Variants in DNAJC11 observed in about 807,000 individuals in gnomAD.
DNAJC11 encodes the protein DnaJ heat shock protein family (Hsp40) member C11, also known as dnaJ homolog subfamily C member 11.
Under a neutral mutation model 78.6 loss-of-function variants are expected in DNAJC11, and 15 were observed. The observed-to-expected ratio is 0.19, with a 90% CI of 0.13 to 0.29. The LOEUF (loss-of-function observed/expected upper bound fraction) is 0.29. DNAJC11 is among the 10% of genes least tolerant of loss of function. DNAJC11 has a pLI of 1.00. For missense variants in DNAJC11, 547 were observed against 709.6 expected, an observed-to-expected ratio of 0.77 and a Z score of 2.60; for synonymous variants, 292 against 272.1, an observed-to-expected ratio of 1.07 and a Z score of -0.72.
At chr1:6,641,406 TACACACAC>T (rs70981395) in intron 10 of DNAJC11, among the ~76,000 whole-genome samples, 2 of 140,136 alleles carry the variant, frequency 1.4e-5, no homozygotes, top group East Asian at 2.0e-4. Context: ...TATATATATA[TACACACAC>T]ACACACACAC....
At chr1:6,685,078 G>C (rs1642630030) in intron 1 of DNAJC11, among the ~76,000 whole-genome samples, 1 of 152,170 alleles carries the variant, frequency 6.6e-6, no homozygotes, top group South Asian at 2.1e-4. Context: ...TTCAAGACCA[G>C]TTTGAGCAAC....
intron 3 of DNAJC11, among the ~76,000 whole-genome samples, chr1:6,670,167 C>T (rs1056964690): frequency 4.0e-5 from 6 of 151,822 alleles, no homozygotes; most frequent in Non-Finnish European, 8.8e-5. Flanking sequence ...ACCATGTTAG[C>T]CAGGATGGTC....
At chr1:6,647,597 A>G (rs1418400438) in intron 7 of DNAJC11, among the ~76,000 whole-genome samples, 1 of 152,024 alleles carries the variant, frequency 6.6e-6, no homozygotes, top group African/African-American at 2.4e-5. Context: ...AGGTGGGTGG[A>G]TCACAAGGTC....
intron 1 of DNAJC11, among the ~76,000 whole-genome samples, chr1:6,690,650 C>T (rs277684): frequency 0.33 from 49,974 of 152,066 alleles, 8,439 homozygotes; most frequent in Non-Finnish European, 0.35. Flanking sequence ...ATTGCCTGGG[C>T]GTGGTGGCTC....
At chr1:6,690,074 A>G (rs1642720943) in intron 1 of DNAJC11, among the ~76,000 whole-genome samples, 1 of 152,194 alleles carries the variant, frequency 6.6e-6, no homozygotes, top group African/African-American at 2.4e-5. Context: ...TTGAAGATGG[A>G]GGAGGAGTTT....
chr1:6,688,009 T>A (rs1252826913), intron 1 of DNAJC11, among the ~76,000 whole-genome samples: 2 of 152,128 alleles, frequency 1.3e-5, no homozygotes, highest in Admixed American at 6.5e-5. Context: ...AAAAAATATA[T>A]CTGATCCATC....
intron 11 of DNAJC11, among the ~76,000 whole-genome samples, chr1:6,639,248 G>A (rs1032940832): frequency 1.3e-5 from 2 of 151,574 alleles, no homozygotes; most frequent in Non-Finnish European, 2.9e-5. Context: ...GATCCAGAAC[G>A]CATTCCTCTT....
chr1:6,669,004 T>G (rs1642334204), intron 3 of DNAJC11, among the ~76,000 whole-genome samples: 1 of 151,274 alleles, frequency 6.6e-6, no homozygotes, highest in Admixed American at 6.6e-5. Flanking sequence ...CTGGCCAACA[T>G]GGCGAAACAC....
At chr1:6,635,856 A>T (rs893139178) in intron 15 of DNAJC11, among the ~76,000 whole-genome samples, 156 bp from the exon 16 acceptor site, 4 of 152,168 alleles carry the variant, frequency 2.6e-5, no homozygotes, top group Admixed American at 2.0e-4. Context: ...TGGAACGTAG[A>T]GGTCTGCTTT....
chr1:6,640,693 G>A (rs931535007), intron 10 of DNAJC11, among the ~76,000 whole-genome samples: 11 of 152,068 alleles, frequency 7.2e-5, no homozygotes, highest in South Asian at 4.1e-4. Context: ...TTAGCCGGGC[G>A]TGGTGGTACC....
At position 6,678,439 on chromosome 1, in the gene DNAJC11, G is replaced by A; in HGVS notation, c.231C>T (p.Ile77=). ...GTCCTCTCTTCCCATATATATCATA[G>A]ATGGCCCTGGTTTGGGGGTCACTAA... ...EVLSDPQTRA[I]YDIYGKRGLE... The change falls in exon 3 of 16, where the codon ATC becomes ATT. Residue 77 remains isoleucine, a synonymous_variant. Coordinates refer to ENST00000377577, the MANE Select transcript of DNAJC11 (RefSeq NM_018198.4). 6.2e-7 allele frequency: 1 copy of A among 1,613,816 alleles called. No individual in the cohort carries two copies. Among genetic ancestry groups the A allele is most frequent in the Non-Finnish European group, 8.5e-7 (1 of 1,179,896 alleles).
intron 3 of DNAJC11, 109 bp downstream of exon 3, chr1:6,678,285 T>C (rs1642503483): frequency 8.5e-7 from 1 of 1,178,302 alleles, no homozygotes; most frequent in Non-Finnish European, 1.3e-6. Context: ...GGGGCTCTAA[T>C]GGTTTCAAAT....
rs373546483 is a variant in DNAJC11 at position 6,667,776 on chromosome 1, C to T, written c.311G>A (p.Arg104Gln). The T allele has an allele frequency of 2.9e-5, 47 of 1,613,960 alleles. No homozygotes were observed. The highest frequency in any genetic ancestry group is 3.7e-5 in the Non-Finnish European group (44 of 1,180,038). Residue 104 changes from arginine to glutamine, a missense_variant, in exon 4 of 16, where the codon CGA becomes CAA. Arg to Gln is a conservative substitution (Grantham distance 43, BLOSUM62 1). Coordinates refer to ENST00000377577, the MANE Select transcript of DNAJC11 (RefSeq NM_018198.4). ...VERRRTPAEI[R>Q]EEFERLQRER... is the part of the protein sequence containing the mutation. Reference sequence around the variant, plus strand: ...TCTCTGCAGCCGCTCAAACTCCTCTCGAATTTCAGCAGGGGTTCTCCTCCT... The same window carrying T: ...TCTCTGCAGCCGCTCAAACTCCTCTTGAATTTCAGCAGGGGTTCTCCTCCT...
intron 1 of DNAJC11, among the ~76,000 whole-genome samples, chr1:6,693,555 T>C (rs184036391): frequency 1.3e-5 from 2 of 152,178 alleles, no homozygotes; most frequent in African/African-American, 4.8e-5. Context: ...AGCTAGTTTT[T>C]GTATTTTTAG....
rs1641747315 is a variant in DNAJC11 at position 6,635,552 on chromosome 1, A to G, written c.*123T>C. 1 of 1,060,504 alleles carries G rather than the reference A, an allele frequency of 9.4e-7. No homozygotes were observed. The highest frequency in any genetic ancestry group is 1.6e-5 in the African/African-American group (1 of 62,156). 65.7% of individuals were successfully genotyped at this position (1,060,504 alleles called of 1,614,324 possible). ...GTCCCTTCACATAATTGATAATGGTACCACCTTCTATAATAATAATATAAA... is the reference window on the plus strand; with the variant it reads ...GTCCCTTCACATAATTGATAATGGTGCCACCTTCTATAATAATAATATAAA... On this transcript the variant is annotated 3_prime_UTR_variant, in exon 16 of 16. Transcript: ENST00000377577.
rs1188474465 is a variant in DNAJC11, at chr1:6,634,826, G to A, written c.*849C>T. On this transcript the variant is annotated 3_prime_UTR_variant, in exon 16 of 16. Coordinates refer to ENST00000377577, the MANE Select transcript of DNAJC11 (RefSeq NM_018198.4). ...GCCGGGCCTGGGGTCCACGCCTTTG[G>A]GTTGGGTGTGTCTGATGTCTTGCCA... The A allele has an allele frequency of 3.2e-6, 4 of 1,254,846 alleles. No individual in the cohort carries two copies. Among genetic ancestry groups the A allele is most frequent in the East Asian group, 5.6e-5 (1 of 17,762 alleles). The allele number at this position is 1,254,846 out of a possible 1,614,324, so 77.7% of individuals were successfully genotyped here.
chr1:6,640,035 ATGTC>A lies in DNAJC11; in HGVS notation c.1116_1119del (p.Gln372HisfsTer8). 7.4e-7 allele frequency: 1 copy of A among 1,352,326 alleles called. No homozygotes were observed. The highest frequency in any genetic ancestry group is 1.0e-6 in the Non-Finnish European group (1 of 980,072). The allele number at this position is 1,352,326 out of a possible 1,614,324, so 83.8% of individuals were successfully genotyped here. A position where few individuals can be genotyped will look rare whatever the true frequency, so the allele number is the denominator to read the frequency against. On this transcript the variant is annotated frameshift_variant, in exon 11 of 16. Coordinates refer to ENST00000377577, the MANE Select transcript of DNAJC11 (RefSeq NM_018198.4). LOFTEE classifies it high-confidence loss of function. ...TCCGTCAAGTGAATAGGGAAGAAGT[ATGTC>A]TGACTGGCCCTGTTGAGCCTGGGGA...
chr1:6,678,428 T>C lies in DNAJC11; in HGVS notation c.242A>G (p.Tyr81Cys), dbSNP rs761445969. 23 of 1,613,922 alleles carry C rather than the reference T, an allele frequency of 1.4e-5. No homozygotes were observed. The highest frequency in any genetic ancestry group is 5.0e-5 in the Admixed American group (3 of 59,980). ...TTCCATTTCCAGTCCTCTCTTCCCA[T>C]ATATATCATAGATGGCCCTGGTTTG... ...DPQTRAIYDI[Y>C]GKRGLEMEGW... is the part of the protein sequence containing the mutation. The change falls in exon 3 of 16, where the codon TAT becomes TGT. Residue 81 changes from tyrosine (Y) to cysteine (C), a missense_variant. Tyr to Cys is a radical substitution (Grantham distance 194, BLOSUM62 -2). Transcript: ENST00000377577.
intron 11 of DNAJC11, among the ~76,000 whole-genome samples, chr1:6,638,663 C>T (rs1447045762): frequency 6.6e-6 from 1 of 152,192 alleles, no homozygotes; most frequent in Admixed American, 6.5e-5. Context: ...CAGGAGATCC[C>T]ACCAACCTTG....
Sources: allele counts gnomAD v4.1 joint callset (sites outside exome capture counted in the v4.1 genomes callset), GRCh38; gene constraint gnomAD v4.1.1; transcripts MANE v1.5; gene names NCBI Gene and HGNC (gene_info 2026-07-23, HGNC 2026-07-21).